The following POTEF variants were observed in gnomAD, a reference collection of about 807,000 sequenced individuals.
The protein encoded by POTEF is ANKRD26-like family C member 1B.
Under a neutral mutation model 83.2 loss-of-function variants are expected in POTEF, and 20 were observed. That is an observed-to-expected ratio of 0.24 (90% CI 0.17 to 0.35). POTEF has a LOEUF of 0.35. Among genes scored for constraint, POTEF ranks in the 10% least tolerant of loss-of-function variants. The pLI, the probability that POTEF is intolerant of heterozygous loss-of-function variation, is 1.00. For synonymous variants in POTEF, 196 were observed against 446.4 expected (o/e 0.44, Z 7.07); for missense variants, 550 against 1,203.2 (o/e 0.46, Z 8.03).
At chr2:130,113,021 G>C (rs1311828310) in intron 5 of POTEF, among the ~76,000 whole-genome samples, 1 of 151,052 alleles carries the variant, frequency 6.6e-6, no homozygotes, top group African/African-American at 2.5e-5. Context: ...GGAAGGAAAA[G>C]GTATTATTCT....
chr2:130,116,739 G>GT (rs1303043086), intron 3 of POTEF, among the ~76,000 whole-genome samples: 1 of 122,310 alleles, frequency 8.2e-6, no homozygotes, highest in Non-Finnish European at 1.7e-5. Context: ...CCACATTTTA[G>GT]TTCTTAAAAC....
At chr2:130,102,654 G>A (rs1306473342) in intron 8 of POTEF, among the ~76,000 whole-genome samples, 2 of 149,304 alleles carry the variant, frequency 1.3e-5, no homozygotes, top group Non-Finnish European at 3.0e-5. Context: ...ACATCCCAGA[G>A]CAAGGTTAAG....
intron 2 of POTEF, among the ~76,000 whole-genome samples, chr2:130,122,942 A>T (rs935719090): frequency 1.1e-4 from 16 of 149,124 alleles, no homozygotes; most frequent in African/African-American, 4.0e-4. Context: ...TAAAACACAG[A>T]CAATCTCACC....
intron 7 of POTEF, among the ~76,000 whole-genome samples, chr2:130,108,863 A>T (rs1314450725): frequency 6.7e-6 from 1 of 150,244 alleles, no homozygotes; most frequent in Admixed American, 6.6e-5. Flanking sequence ...TTCTCTACCG[A>T]CTCAAACTCT....
chr2:130,095,029 T>G (rs1684211329), intron 11 of POTEF, among the ~76,000 whole-genome samples: 1 of 107,594 alleles, frequency 9.3e-6, no homozygotes, highest in African/African-American at 3.3e-5. Context: ...GTCAAACTTT[T>G]TTTTTTTTTT....
At chr2:130,117,948 T>G (rs1684884758) in intron 3 of POTEF, among the ~76,000 whole-genome samples, 1 of 103,126 alleles carries the variant, frequency 9.7e-6, no homozygotes, top group African/African-American at 3.1e-5. Context: ...TTTTTTTTCT[T>G]TTTTTTTTTT....
chr2:130,077,517 T>C (rs1482460274), intron 15 of POTEF, among the ~76,000 whole-genome samples: 4 of 142,632 alleles, frequency 2.8e-5, no homozygotes, highest in Admixed American at 7.1e-5. Context: ...CACCAAAATG[T>C]AGAATCAGTG....
Position 130,120,332 on chromosome 2 carries a change from C to T in POTEF, c.184G>A (p.Gly62Ser), listed in dbSNP as rs764914704. Reference protein sequence around the residue: ...SAMKTLRSKMGKWCRHCFPCC... With the variant: ...SAMKTLRSKMSKWCRHCFPCC... ...GGGAAGCAGTGGCGGCACCACTTGCCCATCTTGCTCCTGAGTGTCTTCATA... is the reference window on the plus strand; with the variant it reads ...GGGAAGCAGTGGCGGCACCACTTGCTCATCTTGCTCCTGAGTGTCTTCATA... The change falls in exon 3 of 17, where the codon GGC becomes AGC. Residue 62 changes from glycine (G) to serine (S), a missense_variant. By Grantham distance (56) the Gly-to-Ser change is moderately conservative. Transcript: ENST00000409914. 1.2e-6 allele frequency: 2 copies of T among 1,608,476 alleles called. No individual in the cohort carries two copies. The highest frequency in any genetic ancestry group is 2.8e-5 in the African/African-American group (2 of 71,012).
chr2:130,101,026 GT>G (rs1684358080), intron 9 of POTEF, among the ~76,000 whole-genome samples: 1 of 143,978 alleles, frequency 6.9e-6, no homozygotes, highest in African/African-American at 2.8e-5. Context: ...GTCACCATTT[GT>G]TTGGACTAAA....
In POTEF at chr2:130,120,532, G is replaced by A. The variant is rs746113773; in HGVS notation, c.-17C>T. 37 of 1,611,916 alleles carry A rather than the reference G, an allele frequency of 2.3e-5. No individual in the cohort carries two copies. The highest frequency in any genetic ancestry group is 1.3e-4 in the Admixed American group (8 of 59,954). On this transcript the variant is annotated 5_prime_UTR_variant, in exon 3 of 17. Coordinates refer to ENST00000409914, the MANE Select transcript of POTEF (RefSeq NM_001099771.2). ...AACCACCATCTGCTTTTAACAGCCA[G>A]GAGAAGCCAGTAGTAGCCAACAGAT...
At chr2:130,126,767 A>G (rs1685101038) in intron 2 of POTEF, among the ~76,000 whole-genome samples, 1 of 152,006 alleles carries the variant, frequency 6.6e-6, no homozygotes, top group Admixed American at 6.5e-5. Context: ...AAAATACAAC[A>G]CAGTGACAAT....
chr2:130,085,265 C>CA, intron 15 of POTEF, among the ~76,000 whole-genome samples: 1 of 133,728 alleles, frequency 7.5e-6, no homozygotes, highest in Non-Finnish European at 1.6e-5. Flanking sequence ...TCCCCTGCAG[C>CA]AACACGGATG....
rs1685176528 is a variant in POTEF at position 130,129,156 on chromosome 2, C to G, written c.-334G>C. On this transcript the variant is annotated 5_prime_UTR_variant, in exon 1 of 17. The change abolishes the stop of an existing upstream ORF in the 5' untranslated region. Transcript: ENST00000409914. ...CACAGCAAGGCGAGCCCCAGGGGCTCAGGCTCCAGCCTCCAGCATGCCGCT... is the reference window on the plus strand; with the variant it reads ...CACAGCAAGGCGAGCCCCAGGGGCTGAGGCTCCAGCCTCCAGCATGCCGCT... 1.2e-5 allele frequency: 1 copy of G among 85,910 alleles called. No individual in the cohort carries two copies. Among genetic ancestry groups the G allele is most frequent in the Admixed American group, 1.4e-4 (1 of 6,900 alleles). 5.3% of individuals were successfully genotyped at this position (85,910 alleles called of 1,614,324 possible). A position where few individuals can be genotyped will look rare whatever the true frequency, so the allele number is the denominator to read the frequency against.
chr2:130,110,003 G>T (rs963866232), intron 7 of POTEF, among the ~76,000 whole-genome samples: 1 of 151,366 alleles, frequency 6.6e-6, no homozygotes, highest in Non-Finnish European at 1.5e-5. Flanking sequence ...AAGGCAGCAG[G>T]ACCAGTTTGA....
intron 8 of POTEF, among the ~76,000 whole-genome samples, chr2:130,103,681 A>G (rs531691350): frequency 1.4e-4 from 21 of 150,960 alleles, no homozygotes; most frequent in Non-Finnish European, 2.4e-4. Flanking sequence ...TTTAAAAAGA[A>G]TTAAAATAAA....
chr2:130,107,583 C>G, intron 8 of POTEF: 1 of 233,586 alleles, frequency 4.3e-6, no homozygotes, highest in Non-Finnish European at 8.3e-6. Context: ...CTCCTTATGG[C>G]TCATATTACA....
intron 11 of POTEF, among the ~76,000 whole-genome samples, chr2:130,094,650 A>C (rs1294233286): frequency 5.4e-5 from 1 of 18,400 alleles, no homozygotes; most frequent in Non-Finnish European, 1.2e-4. Context: ...AGAATGCTTC[A>C]AAAATTTGTG....
At position 130,114,869 on chromosome 2, in the gene POTEF, G is replaced by A; in HGVS notation, c.810+12C>T. On this transcript the variant is annotated intron_variant, in intron 5 of 16. Transcript: ENST00000409914. ...TTTCAGTATTTTGAAGATAAAATTGGTAGATCTATACCTTGTTTTTTGATT... is the reference window on the plus strand; with the variant it reads ...TTTCAGTATTTTGAAGATAAAATTGATAGATCTATACCTTGTTTTTTGATT... The A allele has an allele frequency of 8.5e-7, 1 of 1,173,350 alleles. No individual in the cohort carries two copies. The highest frequency in any genetic ancestry group is 1.2e-6 in the Non-Finnish European group (1 of 846,820). 72.7% of individuals were successfully genotyped at this position (1,173,350 alleles called of 1,614,324 possible). A position where few individuals can be genotyped will look rare whatever the true frequency, so the allele number is the denominator to read the frequency against.
chr2:130,095,172 C>CCAT (rs1370768582), intron 11 of POTEF, among the ~76,000 whole-genome samples: 2 of 89,162 alleles, frequency 2.2e-5, no homozygotes, highest in African/African-American at 4.4e-5. Flanking sequence ...GGACTACAGG[C>CCAT]GCATGCTGCC....
Sources: gnomAD v4.1 joint callset for allele counts (sites outside exome capture counted in the v4.1 genomes callset) on GRCh38, gnomAD v4.1.1 for gene constraint, MANE v1.5 for transcripts, NCBI Gene and HGNC (gene_info 2026-07-23, HGNC 2026-07-21) for gene names.